Variants in CMIP observed in about 807,000 individuals in gnomAD.
CMIP encodes the protein c-Maf inducing protein.
In CMIP, 13 loss-of-function variants were observed where a neutral mutation model predicts 97.3. The ratio of observed to expected loss-of-function variants is 0.13; its 90% CI spans 0.09 to 0.21. The LOEUF is 0.21. Ranked by LOEUF, CMIP falls within the 10% of genes least tolerant of loss-of-function variation. CMIP has a pLI of 1.00. For synonymous variants in CMIP, 538 were observed against 436.3 expected (o/e 1.23, Z -2.91); for missense variants, 847 against 1,024.9 (o/e 0.83, Z 2.37).
chr16:81,493,214 G>A (rs139862099), intron 1 of CMIP, among the ~76,000 whole-genome samples: 1,975 of 152,222 alleles, frequency 0.013, 28 homozygotes, highest in Middle Eastern at 0.034. Context: ...CCACCACACC[G>A]AATTCTCCTC....
rs2090620577 is a variant in CMIP, at chr16:81,549,931, T to C, written c.301-57636T>C. Among the ~76,000 whole-genome samples the C allele has an allele frequency of 2.0e-5, 3 of 152,222 alleles. No homozygotes were observed. The South Asian group carries it at 6.2e-4, about 31-fold the overall frequency. On this transcript the variant is annotated intron_variant, in intron 1 of 20. Transcript: ENST00000537098. ...TGTGCTGTGTGTACATGCTTGTGCA[T>C]TTGTGTGTGTGTGTATGTGCACACA... is the stretch of plus-strand genomic sequence containing the variant.
intron 1 of CMIP, among the ~76,000 whole-genome samples, chr16:81,500,272 GTCCT>G (rs143054986): frequency 3.7e-4 from 24 of 64,832 alleles, no homozygotes; most frequent in South Asian, 6.6e-4. Context: ...CCTTCCTTCC[GTCCT>G]TCCTTCCTTC....
At chr16:81,460,922 A>G (rs945534822) in intron 1 of CMIP, among the ~76,000 whole-genome samples, 4 of 152,226 alleles carry the variant, frequency 2.6e-5, no homozygotes, top group Admixed American at 1.3e-4. Flanking sequence ...GCCCTGTTGT[A>G]TGTGATCGTT....
At chr16:81,519,655 C>G (rs2089982388) in intron 1 of CMIP, 1 of 152,220 alleles carries the variant, frequency 6.6e-6, no homozygotes, top group Non-Finnish European at 1.5e-5. Context: ...CCTCAGTTTC[C>G]TCATCTGTAA....
chr16:81,691,345 T>C (rs1405825087), intron 10 of CMIP, among the ~76,000 whole-genome samples: 1 of 151,954 alleles, frequency 6.6e-6, no homozygotes, highest in African/African-American at 2.4e-5. Context: ...TACAGCCTCA[T>C]TGTAACCTAA....
At chr16:81,544,240 A>G (rs149061617) in intron 1 of CMIP, among the ~76,000 whole-genome samples, 5 of 152,236 alleles carry the variant, frequency 3.3e-5, no homozygotes, top group South Asian at 2.1e-4. Context: ...TCCCTTTTCA[A>G]TGTGGGTGCT....
chr16:81,495,311 G>T (rs2089468878), intron 1 of CMIP: 1 of 1,448,698 alleles, frequency 6.9e-7, no homozygotes, highest in Non-Finnish European at 9.1e-7. Context: ...GCCCTGGGCA[G>T]GCTGGTTCAG....
chr16:81,534,288 A>T (rs2090298948), intron 1 of CMIP, among the ~76,000 whole-genome samples: 1 of 152,232 alleles, frequency 6.6e-6, no homozygotes, highest in South Asian at 2.1e-4. Flanking sequence ...AACCTCATTC[A>T]CTGCCCTCAT....
chr16:81,535,759 A>G lies in CMIP; in HGVS notation c.301-71808A>G, dbSNP rs554268104. Among the ~76,000 whole-genome samples the G allele has an allele frequency of 3.5e-4, 53 of 152,044 alleles. No homozygotes were observed. In the South Asian group the frequency reaches 0.011, roughly 32 times the overall value. The stretch of plus-strand genomic sequence containing the variant: ...TTACAGATGTTGGACCCTGTTACCC[A>G]CCTTCCCCTCCCACCATAAATTACC... On this transcript the variant is annotated intron_variant, in intron 1 of 20. Transcript: ENST00000537098.
rs570123098 is a variant in CMIP, at chr16:81,608,812, T to C, written c.426+1120T>C. ...CCTCATCTAGAGAAAATTTACTCTC[T>C]TATCAGTGGGAAGAAGACCTGCCTT... On this transcript the variant is annotated intron_variant, in intron 2 of 20. Transcript: ENST00000537098. 1.1e-4 allele frequency among the ~76,000 whole-genome samples: 17 copies of C among 152,352 alleles called. No individual in the cohort carries two copies. The South Asian group carries it at 2.9e-3, about 26-fold the overall frequency.
At chr16:81,562,773 A>G (rs531434100) in intron 1 of CMIP, among the ~76,000 whole-genome samples, 1 of 152,126 alleles carries the variant, frequency 6.6e-6, no homozygotes, top group African/African-American at 2.4e-5. Flanking sequence ...CCAGTGAGGG[A>G]CGTAAATATT....
At chr16:81,576,962 A>G (rs563278968) in intron 1 of CMIP, among the ~76,000 whole-genome samples, 173 of 152,276 alleles carry the variant, frequency 1.1e-3, no homozygotes, top group African/African-American at 4.0e-3. Context: ...TGTCACTGTC[A>G]TCATCACCAC....
chr16:81,606,390 C>G (rs2091744366), intron 1 of CMIP, among the ~76,000 whole-genome samples: 1 of 152,160 alleles, frequency 6.6e-6, no homozygotes, highest in African/African-American at 2.4e-5. Flanking sequence ...CTCAGCTGTG[C>G]TGCACTCACC....
At chr16:81,608,090 G>A (rs1388747654) in intron 2 of CMIP, among the ~76,000 whole-genome samples, 2 of 152,210 alleles carry the variant, frequency 1.3e-5, no homozygotes, top group African/African-American at 4.8e-5. Context: ...TTTGAGTGAG[G>A]GAGTTTCTGA....
chr16:81,626,206 A>T (rs1450309174), intron 3 of CMIP, among the ~76,000 whole-genome samples: 2 of 113,882 alleles, frequency 1.8e-5, no homozygotes, highest in East Asian at 5.2e-4. Flanking sequence ...TGTGAGAGTG[A>T]GTGTGTGTGC....
At position 81,614,204 on chromosome 16, in the gene CMIP, G is replaced by A. The variant is rs537939821; in HGVS notation, c.426+6512G>A. 1.3e-5 allele frequency among the ~76,000 whole-genome samples: 2 copies of A among 152,290 alleles called. No individual in the cohort carries two copies. The highest frequency in any genetic ancestry group is 2.4e-5 in the African/African-American group (1 of 41,564). On this transcript the variant is annotated intron_variant, in intron 2 of 20. Transcript: ENST00000537098. This position sits in a 1 kb window ranked among gnomAD's most constrained non-coding sequence, Gnocchi z 5.3. ...GTGACAGCAGAATGTTCCTGGTGGG[G>A]GAGTACACGCTGCATGGAAGCCAGT... is the stretch of plus-strand genomic sequence containing the variant.
intron 1 of CMIP, among the ~76,000 whole-genome samples, chr16:81,564,565 G>A (rs895738826): frequency 6.6e-6 from 1 of 152,230 alleles, no homozygotes; most frequent in African/African-American, 2.4e-5. Context: ...TCTGCCAGCA[G>A]CCGGGAGCCA....
chr16:81,678,657 C>T (rs780655020), intron 10 of CMIP, 29 bp downstream of exon 10: 21 of 1,118,744 alleles, frequency 1.9e-5, no homozygotes, highest in East Asian at 4.9e-5. Flanking sequence ...TGCCCGCCCC[C>T]GGGGCCGGTG....
chr16:81,666,778 TAGA>T (rs1298319276), intron 7 of CMIP: 1 of 152,212 alleles, frequency 6.6e-6, no homozygotes, highest in Non-Finnish European at 1.5e-5. Flanking sequence ...GCCTCTCGTG[TAGA>T]AGAACAGACT....
Sources: allele counts gnomAD v4.1 joint callset (sites outside exome capture counted in the v4.1 genomes callset), GRCh38; gene constraint gnomAD v4.1.1; non-coding constraint Gnocchi (gnomAD v3.1); transcripts MANE v1.5; gene names NCBI Gene and HGNC (gene_info 2026-07-23, HGNC 2026-07-21).